The following SFI1 variants were observed in gnomAD, a reference collection of about 807,000 sequenced individuals.
The protein encoded by SFI1 is SFI1 centrin binding protein.
A neutral mutation model predicts 207.5 loss-of-function variants in SFI1; 195 were observed. The ratio of observed to expected loss-of-function variants is 0.94; its 90% CI spans 0.84 to 1.06. The LOEUF (loss-of-function observed/expected upper bound fraction) is 1.06. Among genes scored for constraint, SFI1 ranks in the 50% least tolerant of loss-of-function variants. The probability of loss-of-function intolerance (pLI) is 0.00; values close to 1 mark genes in which losing one functional copy is unlikely to be tolerated. For missense variants in SFI1, 1,634 were observed against 1,588.0 expected, an observed-to-expected ratio of 1.03 and a Z score of -0.49; for synonymous variants, 630 against 598.9, an observed-to-expected ratio of 1.05 and a Z score of -0.76.
chr22:31,546,799 T>G, intron 4 of SFI1, 62 bp from the exon 5 acceptor site: 6 of 1,153,908 alleles, frequency 5.2e-6, no homozygotes, highest in Non-Finnish European at 7.5e-6. Flanking sequence ...GAATATGTGA[T>G]TTGGGAAGAG....
intron 5 of SFI1, among the ~76,000 whole-genome samples, chr22:31,548,493 AT>A (rs1173694730): frequency 1.3e-5 from 2 of 151,406 alleles, no homozygotes; most frequent in African/African-American, 4.9e-5. Context: ...AAAAAAAAAA[AT>A]TAGCCGGGCA....
At chr22:31,599,083 C>T (rs547485483) in intron 15 of SFI1, among the ~76,000 whole-genome samples, 50 of 151,118 alleles carry the variant, frequency 3.3e-4, no homozygotes, top group South Asian at 1.7e-3. Flanking sequence ...TGAGCCACCG[C>T]GCCCGGCCCA....
At chr22:31,498,673 G>A (rs1326811551) in intron 1 of SFI1, among the ~76,000 whole-genome samples, 6 of 151,024 alleles carry the variant, frequency 4.0e-5, no homozygotes, top group African/African-American at 1.5e-4. Context: ...ATCATTAAAA[G>A]GAGTTTGAAA....
At chr22:31,604,832 G>A (rs777411107) in intron 19 of SFI1, 37 bp from the exon 20 acceptor site, 39 of 1,586,950 alleles carry the variant, frequency 2.5e-5, no homozygotes, top group African/African-American at 1.3e-5. Flanking sequence ...GGAAGTGTGG[G>A]CCCAAGAGCA....
chr22:31,560,548 C>T (rs1448346388), intron 7 of SFI1, among the ~76,000 whole-genome samples: 1 of 151,376 alleles, frequency 6.6e-6, no homozygotes, highest in African/African-American at 2.4e-5. Context: ...ATTACAGGCA[C>T]ACACCACCAT....
At chr22:31,604,985 C>T in intron 20 of SFI1, 40 bp downstream of exon 20, 1 of 1,536,012 alleles carries the variant, frequency 6.5e-7, no homozygotes, top group Non-Finnish European at 8.8e-7. Flanking sequence ...AGCTGGGGAA[C>T]AAGGAATGCA....
chr22:31,499,530 A>G (rs910545584), intron 1 of SFI1, among the ~76,000 whole-genome samples: 2 of 152,184 alleles, frequency 1.3e-5, no homozygotes, highest in South Asian at 4.1e-4. Context: ...CATTGTTGAA[A>G]TGACAGCAAA....
At chr22:31,513,468 GAGA>G (rs1487731563) in intron 2 of SFI1, among the ~76,000 whole-genome samples, 1 of 152,058 alleles carries the variant, frequency 6.6e-6, no homozygotes, top group African/African-American at 2.4e-5. Flanking sequence ...TTTTTGTGAT[GAGA>G]AGATTTGAGA....
intron 1 of SFI1, among the ~76,000 whole-genome samples, chr22:31,497,020 C>G (rs778390361): frequency 1.3e-5 from 2 of 152,214 alleles, no homozygotes; most frequent in African/African-American, 4.8e-5. Context: ...GCTCCGTGGC[C>G]CAGGAGCGGA....
At chr22:31,578,980 A>G (rs1314350526) in intron 11 of SFI1, among the ~76,000 whole-genome samples, 1 of 152,164 alleles carries the variant, frequency 6.6e-6, no homozygotes, top group Non-Finnish European at 1.5e-5. Flanking sequence ...TTGCTTAGCC[A>G]ATTTGTGAGG....
At chr22:31,573,506 C>T (rs957179182) in intron 9 of SFI1, among the ~76,000 whole-genome samples, 9 of 150,240 alleles carry the variant, frequency 6.0e-5, no homozygotes, top group African/African-American at 2.2e-4. Flanking sequence ...GGCGCAATCT[C>T]GGCTCACTGC....
At chr22:31,561,693 C>T (rs945628588) in intron 8 of SFI1, among the ~76,000 whole-genome samples, 3 of 152,166 alleles carry the variant, frequency 2.0e-5, no homozygotes, top group Non-Finnish European at 4.4e-5. Context: ...CTGATTTCCT[C>T]GTTGCTGTTT....
At chr22:31,548,228 A>G (rs2060282509) in intron 5 of SFI1, among the ~76,000 whole-genome samples, 1 of 151,292 alleles carries the variant, frequency 6.6e-6, no homozygotes, top group African/African-American at 2.4e-5. Flanking sequence ...ATCTCAGAAA[A>G]TAAGTAAATA....
At position 31,615,127 on chromosome 22, in the gene SFI1, G is replaced by A. The variant is rs1276640674; in HGVS notation, c.3148G>A (p.Ala1050Thr). 4 of 1,608,948 alleles carry A rather than the reference G, an allele frequency of 2.5e-6. No individual in the cohort carries two copies. The highest frequency in any genetic ancestry group is 3.4e-6 in the Non-Finnish European group (4 of 1,178,012). The part of the protein sequence containing the change: ...PSLTRPFLAE[A>T]PTALVPHSPL... ...CCTGACGCGGCCCTTCCTGGCAGAG[G>A]CCCCGACAGCACTGGTCCCACACAG... Residue 1050 changes from alanine (A) to threonine (T), a missense_variant, in exon 29 of 33, where the codon GCC becomes ACC. Ala to Thr is a moderately conservative substitution (Grantham distance 58). Transcript: ENST00000400288.
At chr22:31,575,500 A>G (rs1030302391) in intron 10 of SFI1, 108 bp downstream of exon 10, 9 of 1,179,518 alleles carry the variant, frequency 7.6e-6, no homozygotes, top group Middle Eastern at 3.0e-4. Flanking sequence ...TTGCCAAACG[A>G]TTCAAAACAG....
chr22:31,530,053 G>A (rs1043031300), intron 3 of SFI1, among the ~76,000 whole-genome samples: 3 of 150,252 alleles, frequency 2.0e-5, no homozygotes, highest in Non-Finnish European at 3.0e-5. Context: ...GCCTGTAGTC[G>A]CAGATACTCT....
intron 14 of SFI1, among the ~76,000 whole-genome samples, chr22:31,588,824 A>C (rs2065382987): frequency 6.6e-6 from 1 of 151,518 alleles, no homozygotes; most frequent in South Asian, 2.1e-4. Context: ...AAAAAAAAAA[A>C]CAAAAAACAA....
chr22:31,512,659 A>G (rs2055780817), intron 2 of SFI1, among the ~76,000 whole-genome samples: 1 of 150,836 alleles, frequency 6.6e-6, no homozygotes, highest in African/African-American at 2.4e-5. Flanking sequence ...CTGGGATTAC[A>G]GGCACCCGCC....
chr22:31,513,124 C>G (rs2055875249), intron 2 of SFI1, among the ~76,000 whole-genome samples: 1 of 152,080 alleles, frequency 6.6e-6, no homozygotes. Flanking sequence ...ATGATGAAAT[C>G]AAGCTGTTTA....
Sources: gnomAD v4.1 joint callset for allele counts (sites outside exome capture counted in the v4.1 genomes callset) on GRCh38, gnomAD v4.1.1 for gene constraint, MANE v1.5 for transcripts, NCBI Gene and HGNC (gene_info 2026-07-23, HGNC 2026-07-21) for gene names.